Variants in DYTN observed in about 807,000 individuals in gnomAD.
DYTN encodes the protein dystrotelin.
DYTN carries 75 observed loss-of-function variants against 69.6 expected under a neutral mutation model. That is an observed-to-expected ratio of 1.08 (90% CI 0.89 to 1.31). The LOEUF (loss-of-function observed/expected upper bound fraction) is 1.31. DYTN is among the 50% of genes most tolerant of loss of function. DYTN has a pLI of 0.00. For missense variants in DYTN, 726 were observed against 688.4 expected, an observed-to-expected ratio of 1.05 and a Z score of -0.61; for synonymous variants, 252 against 249.1, an observed-to-expected ratio of 1.01 and a Z score of -0.11.
chr2:206,696,584 G>A (rs891793576), intron 7 of DYTN, among the ~76,000 whole-genome samples: 6 of 152,156 alleles, frequency 3.9e-5, no homozygotes, highest in Non-Finnish European at 7.4e-5. Flanking sequence ...GTATTCATAC[G>A]ATTACCCTCA....
intron 7 of DYTN, 100 bp downstream of exon 7, chr2:206,699,627 A>T: frequency 2.2e-6 from 3 of 1,372,296 alleles, no homozygotes; most frequent in Non-Finnish European, 2.9e-6. Flanking sequence ...TGAATTTCAG[A>T]TGTGTAAGGA....
At chr2:206,686,420 G>GTA (rs1225601367) in intron 9 of DYTN, 1 of 152,212 alleles carries the variant, frequency 6.6e-6, no homozygotes, top group African/African-American at 2.4e-5. Flanking sequence ...ACAAAAACAA[G>GTA]TATATACTGC....
At chr2:206,670,081 A>G (rs1404178093) in intron 9 of DYTN, among the ~76,000 whole-genome samples, 1 of 152,268 alleles carries the variant, frequency 6.6e-6, no homozygotes, top group Non-Finnish European at 1.5e-5. Flanking sequence ...CAATAAGAAG[A>G]TGATAGACAG....
chr2:206,708,589 C>T (rs1285754013), intron 2 of DYTN, among the ~76,000 whole-genome samples: 1 of 152,198 alleles, frequency 6.6e-6, no homozygotes, highest in Non-Finnish European at 1.5e-5. Flanking sequence ...AACCTGTCAC[C>T]TCAGCCAGGC....
chr2:206,696,609 A>C (rs1355014049), intron 7 of DYTN, among the ~76,000 whole-genome samples: 1 of 152,220 alleles, frequency 6.6e-6, no homozygotes, highest in African/African-American at 2.4e-5. Context: ...GCAGATGAGG[A>C]AACTGAATTA....
At chr2:206,657,603 G>A (rs1473623184) in intron 11 of DYTN, among the ~76,000 whole-genome samples, 3 of 151,952 alleles carry the variant, frequency 2.0e-5, no homozygotes, top group African/African-American at 4.8e-5. Context: ...GTATTTGCCT[G>A]TATATATTTA....
At chr2:206,705,076 G>C (rs1700012419) in intron 4 of DYTN, 133 bp from the exon 5 acceptor site, 1 of 753,994 alleles carries the variant, frequency 1.3e-6, no homozygotes, top group Non-Finnish European at 2.2e-6. Context: ...TTGATTATTG[G>C]CTAGCTATTA....
At position 206,699,721 on chromosome 2, in the gene DYTN, CTG is replaced by C; in HGVS notation, c.719+4_719+5del. The C allele has an allele frequency of 6.2e-7, 1 of 1,611,288 alleles. No homozygotes were observed. The highest frequency in any genetic ancestry group is 1.1e-5 in the South Asian group (1 of 90,498). On this transcript the variant is annotated splice_donor_5th_base_variant and intron_variant, in intron 7 of 11. Coordinates refer to ENST00000452335, the MANE Select transcript of DYTN (RefSeq NM_001093730.1). ...ATAATCCAAGAAATGCTGCTGATGA[CTG>C]TACCTGAGTCCCGTGATTGGGAAAG...
intron 11 of DYTN, among the ~76,000 whole-genome samples, chr2:206,659,460 C>T (rs1459488683): frequency 7.5e-6 from 1 of 134,212 alleles, no homozygotes; most frequent in East Asian, 2.2e-4. Flanking sequence ...AGGCATGAGC[C>T]ACCACGCCGG....
intron 1 of DYTN, among the ~76,000 whole-genome samples, chr2:206,715,196 C>A (rs1700115374): frequency 1.3e-5 from 2 of 152,066 alleles, no homozygotes; most frequent in Non-Finnish European, 2.9e-5. Flanking sequence ...GCTATTAGGT[C>A]CTTCTGGGTC....
At chr2:206,681,589 A>G (rs1159802046) in intron 9 of DYTN, among the ~76,000 whole-genome samples, 1 of 151,850 alleles carries the variant, frequency 6.6e-6, no homozygotes, top group Non-Finnish European at 1.5e-5. Flanking sequence ...ACATGAAGGG[A>G]TGTTGAATTT....
chr2:206,709,326 G>A (rs1003293314), intron 2 of DYTN, among the ~76,000 whole-genome samples: 1 of 152,024 alleles, frequency 6.6e-6, no homozygotes, highest in Non-Finnish European at 1.5e-5. Context: ...GCTCACGCCT[G>A]TGGTCCCAGC....
At chr2:206,710,502 T>C in intron 2 of DYTN, 22 bp downstream of exon 2, 1 of 1,597,604 alleles carries the variant, frequency 6.3e-7, no homozygotes, top group Non-Finnish European at 8.5e-7. Context: ...ATTTCAAATA[T>C]TTCAGGAGAG....
intron 3 of DYTN, among the ~76,000 whole-genome samples, chr2:206,706,111 T>C (rs1042728020): frequency 3.9e-5 from 6 of 152,228 alleles, no homozygotes. Flanking sequence ...GGATGCCTCC[T>C]CTGTGCTAAG....
chr2:206,667,688 TTGCGTG>T (rs1182828092), intron 9 of DYTN, among the ~76,000 whole-genome samples: 1 of 131,642 alleles, frequency 7.6e-6, no homozygotes, highest in African/African-American at 2.8e-5. Flanking sequence ...TCTGGCAACT[TTGCGTG>T]TGCGTGTGTG....
chr2:206,683,310 C>T (rs139734436), intron 9 of DYTN, among the ~76,000 whole-genome samples: 5 of 151,412 alleles, frequency 3.3e-5, no homozygotes, highest in Admixed American at 6.6e-5. Flanking sequence ...CATCTGCCCC[C>T]ACTTCCTCAC....
chr2:206,673,923 A>T (rs1310249072), intron 9 of DYTN, among the ~76,000 whole-genome samples: 1 of 152,234 alleles, frequency 6.6e-6, no homozygotes, highest in Non-Finnish European at 1.5e-5. Flanking sequence ...TCTTAAGGAC[A>T]TCACTATTGA....
At chr2:206,665,787 G>A (rs959770728) in intron 10 of DYTN, 83 bp downstream of exon 10, 9 of 1,511,316 alleles carry the variant, frequency 6.0e-6, no homozygotes, top group Admixed American at 4.0e-5. Flanking sequence ...TCAAAGTAAG[G>A]TGGGAAGCTC....
chr2:206,665,191 G>A (rs1051614577), intron 10 of DYTN, among the ~76,000 whole-genome samples: 3 of 152,186 alleles, frequency 2.0e-5, no homozygotes, highest in Non-Finnish European at 4.4e-5. Flanking sequence ...CAAAAATTCA[G>A]CTGTCTTTTA....
Sources: allele counts gnomAD v4.1 joint callset (sites outside exome capture counted in the v4.1 genomes callset), GRCh38; gene constraint gnomAD v4.1.1; transcripts MANE v1.5; gene names NCBI Gene and HGNC (gene_info 2026-07-23, HGNC 2026-07-21).